NRXN3: variants seen among roughly 807,000 people sequenced by gnomAD.
NRXN3 encodes neurexin 3, also known as neurexin III.
A neutral mutation model predicts 137.6 loss-of-function variants in NRXN3; 32 were observed. The observed-to-expected ratio is 0.23, with a 90% CI of 0.18 to 0.31. NRXN3 has a LOEUF of 0.31. NRXN3 is among the 10% of genes least tolerant of loss of function. NRXN3 has a pLI of 1.00. For missense variants in NRXN3, 1,574 were observed against 2,062.5 expected, an observed-to-expected ratio of 0.76 and a Z score of 4.59; for synonymous variants, 798 against 784.5, an observed-to-expected ratio of 1.02 and a Z score of -0.29.
intron 4 of NRXN3, among the ~76,000 whole-genome samples, chr14:78,449,911 C>A (rs925589926): frequency 1.3e-5 from 2 of 152,140 alleles, no homozygotes; most frequent in Non-Finnish European, 2.9e-5. Context: ...TTCTTTGTAT[C>A]CCACTAAGGA....
chr14:78,222,937 A>G (rs2153426540), intron 1 of NRXN3, among the ~76,000 whole-genome samples: 1 of 152,368 alleles, frequency 6.6e-6, no homozygotes, highest in East Asian at 1.9e-4. Flanking sequence ...GTGGGTGAGT[A>G]AATGCATGAT....
At chr14:78,179,211 G>A (rs1201907474) in intron 1 of NRXN3, among the ~76,000 whole-genome samples, 1 of 152,146 alleles carries the variant, frequency 6.6e-6, no homozygotes, top group Admixed American at 6.5e-5. Context: ...GGGATGCCAG[G>A]TCTGCTGCCT....
intron 16 of NRXN3, among the ~76,000 whole-genome samples, chr14:79,559,622 A>G (rs2097468250): frequency 6.6e-6 from 1 of 152,152 alleles, no homozygotes; most frequent in Non-Finnish European, 1.5e-5. Context: ...CCAAGATGTG[A>G]CACAGAGATG....
chr14:79,210,033 CTG>C (rs1199858533), intron 15 of NRXN3, among the ~76,000 whole-genome samples: 1 of 152,126 alleles, frequency 6.6e-6, no homozygotes, highest in African/African-American at 2.4e-5. Context: ...TGAATTTACC[CTG>C]TGAGTTGCTA....
chr14:78,368,644 G>C (rs1213075763), intron 4 of NRXN3, among the ~76,000 whole-genome samples: 1 of 152,168 alleles, frequency 6.6e-6, no homozygotes, highest in Non-Finnish European at 1.5e-5. Flanking sequence ...GCAGTGAGCT[G>C]AGATCACACC....
At position 79,526,443 on chromosome 14, in the gene NRXN3, T is replaced by C. The variant is rs992657426; in HGVS notation, c.3444+59041T>C. ...CTCCTGGCCTCAAGTGATTCTCCTGTGTAGGTTTCCCAAAGCATGTGGCTA... is the reference window on the plus strand; with the variant it reads ...CTCCTGGCCTCAAGTGATTCTCCTGCGTAGGTTTCCCAAAGCATGTGGCTA... On this transcript the variant is annotated intron_variant, in intron 16 of 20. Transcript: ENST00000335750. 7.2e-5 allele frequency among the ~76,000 whole-genome samples: 11 copies of C among 152,312 alleles called. No homozygotes were observed. The South Asian group carries it at 2.3e-3, about 32-fold the overall frequency.
intron 14 of NRXN3, among the ~76,000 whole-genome samples, chr14:78,974,821 T>C (rs1443983320): frequency 6.6e-6 from 1 of 152,282 alleles, no homozygotes; most frequent in African/African-American, 2.4e-5. Flanking sequence ...TGAGTATAGA[T>C]AGTACTAATT....
chr14:78,722,570 G>C (rs1468467319), intron 8 of NRXN3, among the ~76,000 whole-genome samples: 1 of 152,082 alleles, frequency 6.6e-6, no homozygotes, highest in Non-Finnish European at 1.5e-5. Flanking sequence ...AAAGTTAAAA[G>C]ACCTACTATT....
intron 20 of NRXN3, among the ~76,000 whole-genome samples, chr14:79,831,948 A>G (rs534105577): frequency 5.9e-5 from 9 of 152,232 alleles, no homozygotes; most frequent in South Asian, 2.1e-4. Flanking sequence ...TGAAAATTTC[A>G]TAATACTTTA....
intron 16 of NRXN3, among the ~76,000 whole-genome samples, chr14:79,571,334 A>G (rs1179192273): frequency 2.0e-5 from 3 of 152,212 alleles, no homozygotes; most frequent in African/African-American, 4.8e-5. Context: ...TTGATACTGC[A>G]AGACATATCC....
chr14:78,238,195 G>C (rs1274917485), intron 1 of NRXN3, among the ~76,000 whole-genome samples: 1 of 132,422 alleles, frequency 7.6e-6, no homozygotes, highest in South Asian at 2.5e-4. Context: ...TGAGACATTT[G>C]CAAAGATGTT....
intron 15 of NRXN3, among the ~76,000 whole-genome samples, chr14:79,370,243 T>C (rs758989092): frequency 1.9e-4 from 29 of 152,256 alleles, no homozygotes; most frequent in Non-Finnish European, 3.5e-4. Flanking sequence ...ATGAGATAAC[T>C]ATTATAATCT....
intron 15 of NRXN3, among the ~76,000 whole-genome samples, chr14:79,308,095 A>G (rs916288732): frequency 1.3e-5 from 2 of 152,078 alleles, no homozygotes; most frequent in Non-Finnish European, 2.9e-5. Flanking sequence ...AGGCTCATGC[A>G]TCTGAGCTCA....
chr14:78,473,613 G>T (rs1471611907), intron 4 of NRXN3, among the ~76,000 whole-genome samples: 1 of 152,112 alleles, frequency 6.6e-6, no homozygotes, highest in Non-Finnish European at 1.5e-5. Flanking sequence ...GAAACTTAGT[G>T]GCTTTAGACA....
At chr14:79,546,624 A>T (rs1281547956) in intron 16 of NRXN3, among the ~76,000 whole-genome samples, 1 of 152,136 alleles carries the variant, frequency 6.6e-6, no homozygotes, top group Non-Finnish European at 1.5e-5. Flanking sequence ...TTAGAAAAAG[A>T]CTCAGAGTTA....
At chr14:78,388,712 A>G (rs2090339404) in intron 4 of NRXN3, among the ~76,000 whole-genome samples, 1 of 152,182 alleles carries the variant, frequency 6.6e-6, no homozygotes, top group African/African-American at 2.4e-5. Context: ...ACCCTGAAAT[A>G]GAACACTTGG....
intron 15 of NRXN3, among the ~76,000 whole-genome samples, chr14:79,210,708 T>G (rs1202749141): frequency 6.6e-6 from 1 of 152,216 alleles, no homozygotes; most frequent in Non-Finnish European, 1.5e-5. Context: ...TCTGCATATT[T>G]GCTATTGATG....
In NRXN3 at chr14:79,648,069, T is replaced by C. The variant is rs2098459933; in HGVS notation, c.3445-15709T>C. Reference sequence around the variant, plus strand: ...ATGAAGTATAAGAAAACCTGTGCTTTCCTTAATTTTTCTTGAATCCTGTGG... The same window carrying C: ...ATGAAGTATAAGAAAACCTGTGCTTCCCTTAATTTTTCTTGAATCCTGTGG... On this transcript the variant is annotated intron_variant, in intron 16 of 20. Transcript: ENST00000335750. Among the ~76,000 whole-genome samples the C allele has an allele frequency of 1.5e-5, 2 of 135,048 alleles. 1 individual carries two copies. Among genetic ancestry groups the C allele is most frequent in the Non-Finnish European group, 3.4e-5 (2 of 58,150 alleles). 88.6% of individuals were successfully genotyped at this position (135,048 alleles called of 152,430 possible).
chr14:78,671,721 T>C (rs114941095), intron 6 of NRXN3, among the ~76,000 whole-genome samples: 1,667 of 152,318 alleles, frequency 0.011, 28 homozygotes, highest in African/African-American at 0.037. Flanking sequence ...ATTAGCTCTA[T>C]CATTAGATTT....
Sources: allele counts gnomAD v4.1 joint callset (sites outside exome capture counted in the v4.1 genomes callset), GRCh38; gene constraint gnomAD v4.1.1; transcripts MANE v1.5; gene names NCBI Gene and HGNC (gene_info 2026-07-23, HGNC 2026-07-21).